Variants in GLYATL1 observed in about 807,000 individuals in gnomAD.
The protein encoded by GLYATL1 is glycine-N-acyltransferase like 1.
In GLYATL1, 15 loss-of-function variants were observed where a neutral mutation model predicts 20.0. That is an observed-to-expected ratio of 0.75 (90% confidence interval 0.50 to 1.15). The LOEUF (loss-of-function observed/expected upper bound fraction) is 1.15. Among genes scored for constraint, GLYATL1 ranks in the 50% most tolerant of loss-of-function variants. The pLI is 0.00. For missense variants in GLYATL1, 380 were observed against 368.5 expected, an observed-to-expected ratio of 1.03 and a Z score of -0.26; for synonymous variants, 151 against 131.5, an observed-to-expected ratio of 1.15 and a Z score of -1.01.
At chr11:58,935,842 G>T (rs948124840), upstream of GLYATL1, 2 of 152,078 alleles carry the variant, frequency 1.3e-5, no homozygotes, top group African/African-American at 4.8e-5. Flanking sequence ...TGTTGTGATA[G>T]TTTCATGAGT....
exon 2 of GLYATL1, chr11:58,908,240 A>T (rs1237195847): frequency 6.6e-6 from 1 of 152,226 alleles, no homozygotes; most frequent in African/African-American, 2.4e-5. Flanking sequence ...TGCCTTGGAA[A>T]TGCCATACAG....
exon 1 of GLYATL1, chr11:58,905,624 C>T: frequency 2.2e-6 from 1 of 456,270 alleles, no homozygotes; most frequent in Non-Finnish European, 4.4e-6. Flanking sequence ...CGCCGATGAG[C>T]AGGAAGAAGC....
downstream of GLYATL1, among the ~76,000 whole-genome samples, chr11:58,912,786 T>C (rs1023971229): frequency 6.6e-6 from 1 of 152,344 alleles, no homozygotes; most frequent in Non-Finnish European, 1.5e-5. Flanking sequence ...GCTCCCACTT[T>C]AGGGACTGGG....
rs750380410 is a variant in GLYATL1 at position 58,955,734 on chromosome 11, C to T, written c.616C>T (p.Pro206Ser). The change falls in exon 7 of 7, where the codon CCA becomes TCA. Residue 206 changes from proline to serine, a missense_variant. Transcript: ENST00000532726. ...HYIKRCIEDL[P>S]AACMLGPEGV... Reference sequence around the variant, plus strand: ...CATCAAGCGCTGCATAGAAGACCTGCCAGCAGCCTGTATGCTCGGCCCAGA... The same window carrying T: ...CATCAAGCGCTGCATAGAAGACCTGTCAGCAGCCTGTATGCTCGGCCCAGA... 3.7e-6 allele frequency: 6 copies of T among 1,614,202 alleles called. No homozygotes were observed. The highest frequency in any genetic ancestry group is 5.1e-6 in the Non-Finnish European group (6 of 1,180,044).
chr11:58,942,487 G>A (rs1334992080), intron 1 of GLYATL1: 1 of 152,236 alleles, frequency 6.6e-6, no homozygotes, highest in Admixed American at 6.5e-5. Context: ...TGGATGTAAA[G>A]TGGGAGGGGA....
intron 4 of GLYATL1, among the ~76,000 whole-genome samples, chr11:58,950,290 TAA>T (rs1345086917): frequency 1.5e-5 from 2 of 137,046 alleles, no homozygotes; most frequent in East Asian, 2.1e-4. Context: ...AGACTCCGTC[TAA>T]AAAAAAAAAA....
At chr11:58,919,626 C>T (rs187063099) in intron 1 of GLYATL1, among the ~76,000 whole-genome samples, 26 of 152,248 alleles carry the variant, frequency 1.7e-4, no homozygotes, top group Middle Eastern at 3.4e-3. Flanking sequence ...CCTCAAACAA[C>T]CCCGAAAAGG....
upstream of GLYATL1, among the ~76,000 whole-genome samples, chr11:58,923,196 G>A (rs547743323): frequency 2.3e-4 from 35 of 152,304 alleles, no homozygotes; most frequent in Non-Finnish European, 4.3e-4. Flanking sequence ...CCAGGTCTCT[G>A]AGGCAGTGAT....
chr11:58,929,309 T>C (rs1402137244), intron 1 of GLYATL1, among the ~76,000 whole-genome samples: 1 of 152,250 alleles, frequency 6.6e-6, no homozygotes, highest in Non-Finnish European at 1.5e-5. Flanking sequence ...ATATTCTTAT[T>C]AGAAATAGAT....
intron 1 of GLYATL1, among the ~76,000 whole-genome samples, chr11:58,932,950 T>G (rs1855667480): frequency 6.6e-6 from 1 of 152,202 alleles, no homozygotes; most frequent in Non-Finnish European, 1.5e-5. Flanking sequence ...TGGATGTTTA[T>G]TATATGAAAT....
At chr11:58,947,386 G>A in intron 3 of GLYATL1, 1 of 580,146 alleles carries the variant, frequency 1.7e-6, no homozygotes, top group Non-Finnish European at 3.0e-6. Context: ...TGGAGAGGCA[G>A]TGGAGCATGG....
intron 3 of GLYATL1, chr11:58,947,571 C>G: frequency 2.2e-6 from 1 of 459,490 alleles, no homozygotes; most frequent in East Asian, 3.6e-5. Flanking sequence ...GCTATGGACA[C>G]TGAATAAATC....
upstream of GLYATL1, chr11:58,935,722 G>C (rs1330236812): frequency 1.3e-5 from 2 of 151,988 alleles, no homozygotes; most frequent in African/African-American, 4.8e-5. Context: ...AAAGATTGCA[G>C]ATCTTATGTT....
upstream of GLYATL1, among the ~76,000 whole-genome samples, chr11:58,937,118 G>A (rs1855871242): frequency 6.6e-6 from 1 of 152,158 alleles, no homozygotes; most frequent in East Asian, 1.9e-4. Flanking sequence ...GCTCTTCTGT[G>A]TCTTGCCACC....
At chr11:58,938,426 CA>C (rs1466732490), upstream of GLYATL1, among the ~76,000 whole-genome samples, 2 of 152,144 alleles carry the variant, frequency 1.3e-5, no homozygotes, top group Non-Finnish European at 2.9e-5. Flanking sequence ...CTGAAAAGCC[CA>C]AAGCAGATGA....
chr11:58,945,657 G>T (rs1856517209), intron 2 of GLYATL1, among the ~76,000 whole-genome samples: 1 of 152,108 alleles, frequency 6.6e-6, no homozygotes, highest in African/African-American at 2.4e-5. Flanking sequence ...GAAACACATG[G>T]GTATGGGCAA....
chr11:58,947,126 A>C lies in GLYATL1; in HGVS notation c.39A>C (p.Leu13=), dbSNP rs762622949. 1.2e-6 allele frequency: 2 copies of C among 1,613,816 alleles called. No homozygotes were observed. The highest frequency in any genetic ancestry group is 1.7e-5 in the Admixed American group (1 of 60,028). The part of the protein sequence containing the change: ...LLNNSHKLLA[L]YKSLARSIPE... Reference sequence around the variant, plus strand: ...ATAACTCCCATAAGCTGCTGGCCCTATACAAATCCTTGGCCAGGAGCATCC... The same window carrying C: ...ATAACTCCCATAAGCTGCTGGCCCTCTACAAATCCTTGGCCAGGAGCATCC... Residue 13 remains leucine (L), a synonymous_variant, in exon 3 of 7, where the codon CTA becomes CTC. Transcript: ENST00000532726.
chr11:58,917,310 A>T (rs1565118153), intron 1 of GLYATL1: 2 of 152,226 alleles, frequency 1.3e-5, no homozygotes, highest in Non-Finnish European at 2.9e-5. Flanking sequence ...AGGACCAGAG[A>T]GACCACAGAG....
intron 2 of GLYATL1, chr11:58,946,749 C>G: frequency 2.4e-6 from 1 of 424,288 alleles, no homozygotes; most frequent in Non-Finnish European, 4.3e-6. Context: ...GTGGAGTGTT[C>G]TGTTACAGGC....
Sources: allele counts gnomAD v4.1 joint callset (sites outside exome capture counted in the v4.1 genomes callset), GRCh38; gene constraint gnomAD v4.1.1; transcripts MANE v1.5; gene names NCBI Gene and HGNC (gene_info 2026-07-23, HGNC 2026-07-21).